The following TRDN variants were observed in gnomAD, a reference collection of about 807,000 sequenced individuals.
TRDN encodes triadin in skeletal muscle.
In TRDN, 161 loss-of-function variants were observed where a neutral mutation model predicts 149.7. The observed-to-expected ratio is 1.08, with a 90% confidence interval of 0.95 to 1.23. The LOEUF is 1.23. Among genes scored for constraint, TRDN ranks in the 50% most tolerant of loss-of-function variants. The pLI is 0.00. For synonymous variants in TRDN, 294 were observed against 250.5 expected (o/e 1.17, Z -1.64); for missense variants, 896 against 823.5 (o/e 1.09, Z -1.08).
chr6:123,636,745 TAGCAATACCTTC>T lies in TRDN; in HGVS notation c.19_22+8del. On this transcript the variant is annotated splice_donor_variant and splice_donor_5th_base_variant and coding_sequence_variant and intron_variant, in exon 1 of 41. Transcript: ENST00000334268. LOFTEE classifies it high-confidence loss of function. Reference sequence around the variant, plus strand: ...CTTACTTGATACTATCGGAAAATGGTAGCAATACCTTCAGCAGTGATCTCAGTCATGGTGGTC... The same window carrying T: ...CTTACTTGATACTATCGGAAAATGGTAGCAGTGATCTCAGTCATGGTGGTC... 2 of 1,611,466 alleles carry T rather than the reference TAGCAATACCTTC, an allele frequency of 1.2e-6. No individual in the cohort carries two copies. The highest frequency in any genetic ancestry group is 4.5e-5 in the East Asian group (2 of 44,726).
chr6:123,523,594 C>G (rs1307602777), intron 5 of TRDN, among the ~76,000 whole-genome samples: 2 of 152,074 alleles, frequency 1.3e-5, no homozygotes, highest in African/African-American at 4.8e-5. Context: ...TAAGAAGTGA[C>G]TGTCACAATT....
chr6:123,436,147 T>A (rs1042878687), intron 12 of TRDN, among the ~76,000 whole-genome samples: 5 of 152,166 alleles, frequency 3.3e-5, no homozygotes, highest in Non-Finnish European at 5.9e-5. Flanking sequence ...GTAAAATTGA[T>A]GGCAAGGAAG....
At chr6:123,466,398 C>T (rs1562329030) in intron 9 of TRDN, among the ~76,000 whole-genome samples, 1 of 152,090 alleles carries the variant, frequency 6.6e-6, no homozygotes, top group Non-Finnish European at 1.5e-5. Context: ...GCATATTAGT[C>T]TCATTTTATA....
chr6:123,335,660 T>G (rs947349564), intron 22 of TRDN, among the ~76,000 whole-genome samples: 6 of 151,974 alleles, frequency 3.9e-5, no homozygotes, highest in Non-Finnish European at 7.4e-5. Context: ...TTAAAAGTTT[T>G]GATAATTATC....
chr6:123,585,616 G>T (rs1175819256), intron 1 of TRDN, among the ~76,000 whole-genome samples: 1 of 152,162 alleles, frequency 6.6e-6, no homozygotes, highest in Non-Finnish European at 1.5e-5. Context: ...AGAGTTCCAG[G>T]GGCTCTGGGA....
At chr6:123,540,328 T>C (rs1211168596) in intron 4 of TRDN, among the ~76,000 whole-genome samples, 4 of 151,882 alleles carry the variant, frequency 2.6e-5, no homozygotes, top group Non-Finnish European at 5.9e-5. Flanking sequence ...AACTTTCTGG[T>C]CCCATACTAG....
chr6:123,370,366 T>C (rs940970368), intron 19 of TRDN, among the ~76,000 whole-genome samples: 2 of 152,178 alleles, frequency 1.3e-5, no homozygotes, highest in Non-Finnish European at 2.9e-5. Context: ...AATTAAACTG[T>C]ATTATTTAAT....
At chr6:123,230,516 C>A (rs1175632262) in intron 38 of TRDN, among the ~76,000 whole-genome samples, 4 of 143,432 alleles carry the variant, frequency 2.8e-5, no homozygotes, top group Non-Finnish European at 4.5e-5. Flanking sequence ...TGCACATATA[C>A]CCTAGAACTT....
intron 12 of TRDN, among the ~76,000 whole-genome samples, chr6:123,415,249 T>C (rs908449347): frequency 2.0e-5 from 3 of 152,232 alleles, no homozygotes; most frequent in Non-Finnish European, 4.4e-5. Context: ...CCATGAGACA[T>C]GATTTGACCT....
At chr6:123,570,879 T>C in intron 2 of TRDN, 44 bp downstream of exon 2, 2 of 1,576,736 alleles carry the variant, frequency 1.3e-6, no homozygotes, top group Non-Finnish European at 1.7e-6. Flanking sequence ...TTTCTTTCCA[T>C]TTGAATTAAT....
intron 1 of TRDN, among the ~76,000 whole-genome samples, chr6:123,622,815 T>C (rs1668755198): frequency 6.6e-6 from 1 of 152,124 alleles, no homozygotes; most frequent in South Asian, 2.1e-4. Context: ...GTCATCATGA[T>C]AGTATTGCAA....
intron 13 of TRDN, among the ~76,000 whole-genome samples, chr6:123,392,542 A>G (rs1419940337): frequency 1.3e-5 from 2 of 152,072 alleles, no homozygotes; most frequent in Admixed American, 1.3e-4. Flanking sequence ...TCATGTATTA[A>G]AAAACCAAAG....
intron 5 of TRDN, among the ~76,000 whole-genome samples, chr6:123,517,421 CCTTT>C (rs1370762383): frequency 6.6e-6 from 1 of 152,062 alleles, no homozygotes; most frequent in African/African-American, 2.4e-5. Flanking sequence ...CTCATATTAA[CCTTT>C]CTAACATGAA....
intron 40 of TRDN, among the ~76,000 whole-genome samples, chr6:123,219,994 A>G (rs1486514835): frequency 2.0e-5 from 3 of 151,868 alleles, no homozygotes; most frequent in African/African-American, 7.2e-5. Context: ...ACTCATTAAA[A>G]TATTATTATG....
intron 9 of TRDN, among the ~76,000 whole-genome samples, chr6:123,472,130 C>A (rs1417960151): frequency 6.6e-6 from 1 of 152,188 alleles, no homozygotes; most frequent in Admixed American, 6.5e-5. Context: ...GCGTGAGCGA[C>A]GCAGAAGACG....
At chr6:123,294,452 C>A (rs1038541767) in intron 24 of TRDN, among the ~76,000 whole-genome samples, 1 of 152,118 alleles carries the variant, frequency 6.6e-6, no homozygotes, top group South Asian at 2.1e-4. Context: ...TCATGGAAGA[C>A]AATTTTTCCA....
At chr6:123,569,794 G>A (rs1030926729) in intron 2 of TRDN, among the ~76,000 whole-genome samples, 9 of 152,146 alleles carry the variant, frequency 5.9e-5, no homozygotes, top group East Asian at 5.8e-4. Context: ...CAAGGGGACA[G>A]TGCCAAACCA....
chr6:123,411,284 A>T (rs1286424835), intron 12 of TRDN, among the ~76,000 whole-genome samples: 23 of 151,906 alleles, frequency 1.5e-4, no homozygotes, highest in Admixed American at 1.4e-3. Context: ...TGACCTCATG[A>T]TCCGCCTGCC....
At chr6:123,542,059 T>C (rs1038647795) in intron 4 of TRDN, among the ~76,000 whole-genome samples, 4 of 152,206 alleles carry the variant, frequency 2.6e-5, no homozygotes, top group African/African-American at 9.6e-5. Flanking sequence ...ACGAAAGAAC[T>C]GAGTTAAAAT....
Sources: gnomAD v4.1 joint callset for allele counts (sites outside exome capture counted in the v4.1 genomes callset) on GRCh38, gnomAD v4.1.1 for gene constraint, MANE v1.5 for transcripts, NCBI Gene and HGNC (gene_info 2026-07-23, HGNC 2026-07-21) for gene names.